Variants in ZFHX3 observed in about 807,000 individuals in gnomAD.
ZFHX3 encodes zinc finger homeobox protein 3.
A neutral mutation model predicts 279.1 loss-of-function variants in ZFHX3; 42 were observed. That is an observed-to-expected ratio of 0.15 (90% CI 0.12 to 0.19). The LOEUF is 0.19. Among genes scored for constraint, ZFHX3 ranks in the 10% least tolerant of loss-of-function variants. ZFHX3 has a pLI of 1.00. For synonymous variants in ZFHX3, 2,293 were observed against 1,957.8 expected, an observed-to-expected ratio of 1.17 and a Z score of -4.52; for missense variants, 4,981 against 4,754.0, an observed-to-expected ratio of 1.05 and a Z score of -1.40.
At chr16:73,602,534 A>G (rs2052129725) in intron 2 of ZFHX3, among the ~76,000 whole-genome samples, 1 of 152,228 alleles carries the variant, frequency 6.6e-6, no homozygotes, top group Non-Finnish European at 1.5e-5. Context: ...AAGTACTTTT[A>G]GGAAGAACTG....
intron 5 of ZFHX3, among the ~76,000 whole-genome samples, chr16:73,173,138 A>G (rs1233053665): frequency 6.6e-6 from 1 of 150,962 alleles, no homozygotes; most frequent in African/African-American, 2.4e-5. Flanking sequence ...CTTTCTCTGA[A>G]GCAACGATGT....
chr16:73,687,846 C>CA (rs535371406), intron 1 of ZFHX3, among the ~76,000 whole-genome samples: 1,492 of 63,012 alleles, frequency 0.024, 66 homozygotes, highest in East Asian at 0.059. Context: ...GACTCTGTCT[C>CA]AAAAAAAAAA....
At chr16:73,377,270 C>T (rs1808420) in intron 3 of ZFHX3, among the ~76,000 whole-genome samples, 53,632 of 151,958 alleles carry the variant, frequency 0.35, 10,622 homozygotes, top group Non-Finnish European at 0.46. Flanking sequence ...CCATGCCTGG[C>T]CCACGGCTAC....
At chr16:73,494,516 G>C (rs922124701) in intron 2 of ZFHX3, among the ~76,000 whole-genome samples, 2 of 152,000 alleles carry the variant, frequency 1.3e-5, no homozygotes, top group Non-Finnish European at 1.5e-5. Flanking sequence ...TTATAATCTT[G>C]TTCTGTGTAT....
chr16:73,647,334 C>G (rs1277137705), intron 2 of ZFHX3, among the ~76,000 whole-genome samples: 5 of 152,038 alleles, frequency 3.3e-5, no homozygotes, highest in Non-Finnish European at 7.4e-5. Flanking sequence ...GTGTCTCCAC[C>G]CAAATCTCAT....
rs77981893 is a variant in ZFHX3 at position 72,852,172 on chromosome 16, C to G, written c.3449-22313G>C. Among the ~76,000 whole-genome samples the G allele has an allele frequency of 9.8e-3, 1,491 of 152,262 alleles. 26 individuals carry two copies. The highest frequency in any genetic ancestry group is 0.033 in the African/African-American group (1,387 of 41,532). Reference sequence around the variant, plus strand: ...ACCTTCCACAATTCTTAATTTTGATCTGTTGATCAACTCTGTTTTGTTCTA... The same window carrying G: ...ACCTTCCACAATTCTTAATTTTGATGTGTTGATCAACTCTGTTTTGTTCTA... On this transcript the variant is annotated intron_variant, in intron 4 of 9. Coordinates refer to ENST00000268489, the MANE Select transcript of ZFHX3 (RefSeq NM_006885.4).
At chr16:72,857,762 A>AT (rs1052783625) in intron 4 of ZFHX3, among the ~76,000 whole-genome samples, 2 of 152,208 alleles carry the variant, frequency 1.3e-5, no homozygotes, top group South Asian at 2.1e-4. Context: ...CTGAGGAGTT[A>AT]TTTTTTCCCA....
chr16:73,272,101 C>A (rs1300993600), intron 4 of ZFHX3, among the ~76,000 whole-genome samples: 5 of 152,146 alleles, frequency 3.3e-5, no homozygotes, highest in Non-Finnish European at 7.3e-5. Context: ...TTTCATCCGT[C>A]TGAAGCAAAA....
At chr16:73,727,946 C>A (rs1210071260) in intron 1 of ZFHX3, among the ~76,000 whole-genome samples, 1 of 149,410 alleles carries the variant, frequency 6.7e-6, no homozygotes. Flanking sequence ...CCACTAGCTA[C>A]ATGTGGCTAT....
intron 1 of ZFHX3, among the ~76,000 whole-genome samples, chr16:73,728,806 AC>A (rs1393984528): frequency 3.1e-5 from 3 of 97,234 alleles, no homozygotes; most frequent in African/African-American, 1.2e-4. Context: ...GCTAAGAATA[AC>A]CCCCTACACA....
At chr16:73,617,457 A>T (rs1472684411) in intron 2 of ZFHX3, among the ~76,000 whole-genome samples, 1 of 152,258 alleles carries the variant, frequency 6.6e-6, no homozygotes, top group Non-Finnish European at 1.5e-5. Flanking sequence ...TAGTCCTGAT[A>T]GCTTAGCAGT....
At chr16:72,902,881 C>T (rs886164427) in intron 3 of ZFHX3, among the ~76,000 whole-genome samples, 3 of 152,052 alleles carry the variant, frequency 2.0e-5, no homozygotes, top group Admixed American at 6.5e-5. Context: ...GCAGGCCAGC[C>T]GGGGGCTAAA....
chr16:73,845,472 C>A (rs1272366290), intron 1 of ZFHX3, among the ~76,000 whole-genome samples: 2 of 151,866 alleles, frequency 1.3e-5, no homozygotes, highest in Non-Finnish European at 2.9e-5. Context: ...GTCCAGTTAT[C>A]TAGGTGGCCA....
chr16:73,527,845 T>C (rs1028799273), intron 2 of ZFHX3, among the ~76,000 whole-genome samples: 3 of 152,230 alleles, frequency 2.0e-5, no homozygotes, highest in Non-Finnish European at 4.4e-5. Context: ...CTTGAAATGA[T>C]GGCCACAGCC....
intron 3 of ZFHX3, among the ~76,000 whole-genome samples, chr16:72,906,902 A>G (rs2039189069): frequency 6.6e-6 from 1 of 152,200 alleles, no homozygotes; most frequent in South Asian, 2.1e-4. Flanking sequence ...CGAGGACTAG[A>G]GAGAGGACTG....
chr16:72,853,426 G>C (rs2143849547), intron 4 of ZFHX3, among the ~76,000 whole-genome samples: 1 of 152,312 alleles, frequency 6.6e-6, no homozygotes, highest in Non-Finnish European at 1.5e-5. Context: ...GCCCTAATGA[G>C]CCTTCTTTCT....
chr16:73,556,003 G>T (rs1189085001), intron 2 of ZFHX3, among the ~76,000 whole-genome samples: 5 of 152,202 alleles, frequency 3.3e-5, no homozygotes, highest in Non-Finnish European at 7.3e-5. Flanking sequence ...CTTAAATGCA[G>T]ACACAGTGTT....
At chr16:73,156,374 G>C (rs948799847) in intron 5 of ZFHX3, among the ~76,000 whole-genome samples, 1 of 151,974 alleles carries the variant, frequency 6.6e-6, no homozygotes, top group Admixed American at 6.6e-5. Context: ...AGAAAACTGT[G>C]GTTTTTAAAA....
At chr16:73,127,325 G>A in intron 7 of ZFHX3, 1 of 1,294,636 alleles carries the variant, frequency 7.7e-7, no homozygotes, top group Non-Finnish European at 1.0e-6. Context: ...TTCGCTGGTG[G>A]CAGCCGTACA....
Sources: allele counts gnomAD v4.1 joint callset (sites outside exome capture counted in the v4.1 genomes callset), GRCh38; gene constraint gnomAD v4.1.1; transcripts MANE v1.5; gene names NCBI Gene and HGNC (gene_info 2026-07-23, HGNC 2026-07-21).